The following TC2N variants were observed in gnomAD, a reference collection of about 807,000 sequenced individuals.
The protein encoded by TC2N is tandem C2 domains, nuclear.
Under a neutral mutation model 61.9 loss-of-function variants are expected in TC2N, and 51 were observed. The observed-to-expected ratio is 0.82, with a 90% CI of 0.66 to 1.04. TC2N has a LOEUF of 1.04. Among genes scored for constraint, TC2N ranks in the 50% least tolerant of loss-of-function variants. The pLI is 0.00. For missense variants in TC2N, 556 were observed against 566.7 expected, an observed-to-expected ratio of 0.98 and a Z score of 0.19; for synonymous variants, 204 against 192.6, an observed-to-expected ratio of 1.06 and a Z score of -0.49.
At chr14:91,847,741 T>G (rs1888298399) in intron 1 of TC2N, among the ~76,000 whole-genome samples, 1 of 152,190 alleles carries the variant, frequency 6.6e-6, no homozygotes, top group Non-Finnish European at 1.5e-5. Flanking sequence ...ATTCATAAAC[T>G]AAATAACGAT....
chr14:91,790,012 C>T (rs1315555553), intron 9 of TC2N, among the ~76,000 whole-genome samples: 1 of 152,158 alleles, frequency 6.6e-6, no homozygotes, highest in African/African-American at 2.4e-5. Context: ...TGGAATCAGA[C>T]TGCCTCCATT....
intron 1 of TC2N, among the ~76,000 whole-genome samples, chr14:91,858,878 A>G (rs1566791757): frequency 6.6e-6 from 1 of 152,132 alleles, no homozygotes; most frequent in Non-Finnish European, 1.5e-5. Flanking sequence ...TGGCCATCCC[A>G]TTCCATATCC....
chr14:91,785,069 CTATT>C (rs1392661877), intron 11 of TC2N, 89 bp downstream of exon 11: 1 of 840,114 alleles, frequency 1.2e-6, no homozygotes, highest in East Asian at 2.5e-5. Context: ...GAACTGTACT[CTATT>C]TGACTTTAAT....
Position 91,783,149 on chromosome 14 carries a change from A to G in TC2N, c.1424T>C (p.Ile475Thr). The G allele has an allele frequency of 2.5e-6, 4 of 1,612,060 alleles. No individual in the cohort carries two copies. Among genetic ancestry groups the G allele is most frequent in the Non-Finnish European group, 3.4e-6 (4 of 1,178,728 alleles). The change falls in exon 12 of 12, where the codon ATA becomes ACA. Residue 475 changes from isoleucine to threonine, a missense_variant. By Grantham distance (89) the Ile-to-Thr change is moderately conservative. Transcript: ENST00000435962. ...EAVNQWKETVINPEKVVIRWH... is the reference protein window; with the variant it reads ...EAVNQWKETVTNPEKVVIRWH... ...CCTGATAACAACCTTTTCTGGATTT[A>G]TTACTGTCTCTTTCCACTGGTTCAC... is the stretch of plus-strand genomic sequence containing the variant.
rs566556457 is a variant in TC2N at position 91,806,975 on chromosome 14, G to A, written c.302-4554C>T. Among the ~76,000 whole-genome samples the A allele has an allele frequency of 5.9e-5, 9 of 152,362 alleles. No individual in the cohort carries two copies. The South Asian group carries it at 1.9e-3, about 32-fold the overall frequency. ...GTGCAGCCTAGGGACTTGGTGCCCT[G>A]CATCCCAGTTGCTCTAGCAATGGCT... On this transcript the variant is annotated intron_variant, in intron 3 of 11. Coordinates refer to ENST00000435962, the MANE Select transcript of TC2N (RefSeq NM_001128596.3).
chr14:91,794,016 A>G (rs1885785444), intron 8 of TC2N, among the ~76,000 whole-genome samples: 1 of 152,226 alleles, frequency 6.6e-6, no homozygotes, highest in Non-Finnish European at 1.5e-5. Context: ...TATACAAATA[A>G]GAAAGTGAAA....
chr14:91,856,486 CAAAA>C (rs3030738), intron 1 of TC2N, among the ~76,000 whole-genome samples: 6 of 116,994 alleles, frequency 5.1e-5, no homozygotes, highest in Admixed American at 8.8e-5. Context: ...GACCTTGTCT[CAAAA>C]AAAAAAAAAA....
intron 3 of TC2N, among the ~76,000 whole-genome samples, chr14:91,808,836 A>G (rs1484519177): frequency 6.6e-6 from 1 of 152,208 alleles, no homozygotes; most frequent in Non-Finnish European, 1.5e-5. Flanking sequence ...TAGAAAATTC[A>G]TTAAAAAAAT....
At chr14:91,817,233 T>A (rs1887045585) in intron 1 of TC2N, among the ~76,000 whole-genome samples, 1 of 151,996 alleles carries the variant, frequency 6.6e-6, no homozygotes, top group African/African-American at 2.4e-5. Flanking sequence ...TCTCATTAAG[T>A]GTATGCCTGT....
At chr14:91,851,165 A>G (rs1433993562) in intron 1 of TC2N, among the ~76,000 whole-genome samples, 2 of 152,236 alleles carry the variant, frequency 1.3e-5, no homozygotes, top group African/African-American at 4.8e-5. Context: ...CCCCTAGTCC[A>G]TGGAAAAATT....
intron 1 of TC2N, among the ~76,000 whole-genome samples, chr14:91,822,714 CTTTTT>C (rs35093902): frequency 8.0e-6 from 1 of 125,432 alleles, no homozygotes; most frequent in African/African-American, 3.0e-5. Flanking sequence ...TACTCATTAT[CTTTTT>C]TTTTTTTTTT....
chr14:91,850,993 G>A (rs1215711326), intron 1 of TC2N, among the ~76,000 whole-genome samples: 3 of 152,148 alleles, frequency 2.0e-5, no homozygotes. Context: ...CCACCCTCAG[G>A]TGGGACCATC....
chr14:91,864,901 T>A (rs1456188468), intron 1 of TC2N, among the ~76,000 whole-genome samples: 1 of 150,784 alleles, frequency 6.6e-6, no homozygotes, highest in African/African-American at 2.4e-5. Context: ...CCTGCCTCAG[T>A]CTCTGAGTAG....
At chr14:91,832,390 CAA>C (rs33961348) in intron 1 of TC2N, among the ~76,000 whole-genome samples, 1 of 136,370 alleles carries the variant, frequency 7.3e-6, no homozygotes. Flanking sequence ...AACTCCGTCT[CAA>C]AAAAAAAAAA....
intron 1 of TC2N, among the ~76,000 whole-genome samples, chr14:91,814,803 A>C (rs1886939185): frequency 6.6e-6 from 1 of 151,676 alleles, no homozygotes. Context: ...AATATAGCTA[A>C]TGAAGATCTG....
intron 2 of TC2N, among the ~76,000 whole-genome samples, chr14:91,813,467 T>A (rs1023104449): frequency 6.6e-6 from 1 of 151,770 alleles, no homozygotes; most frequent in Non-Finnish European, 1.5e-5. Context: ...CCTATTCAGA[T>A]TTCCATAGCA....
At chr14:91,867,006 G>A (rs886282314) in intron 1 of TC2N, among the ~76,000 whole-genome samples, 1 of 152,118 alleles carries the variant, frequency 6.6e-6, no homozygotes, top group Non-Finnish European at 1.5e-5. Context: ...TGCCTCTGGT[G>A]CATTTACACT....
At chr14:91,838,972 TA>T (rs1297920122) in intron 1 of TC2N, among the ~76,000 whole-genome samples, 1 of 152,194 alleles carries the variant, frequency 6.6e-6, no homozygotes, top group Admixed American at 6.5e-5. Context: ...GGTTTTTGTT[TA>T]TTTTTTAATT....
intron 9 of TC2N, 146 bp downstream of exon 9, chr14:91,792,221 T>TA (rs11429165): frequency 0.99 from 433,157 of 436,842 alleles, 214,868 homozygotes; most frequent in East Asian, 1. Context: ...CAATAATTTC[T>TA]AAATATTTGA....
Sources: gnomAD v4.1 joint callset for allele counts (sites outside exome capture counted in the v4.1 genomes callset) on GRCh38, gnomAD v4.1.1 for gene constraint, MANE v1.5 for transcripts, NCBI Gene and HGNC (gene_info 2026-07-23, HGNC 2026-07-21) for gene names.